MLIP: variants seen among roughly 807,000 people sequenced by gnomAD.
MLIP encodes the protein muscular LMNA interacting protein, also known as muscular LMNA-interacting protein.
Under a neutral mutation model 84.8 loss-of-function variants are expected in MLIP, and 79 were observed. That is an observed-to-expected ratio of 0.93 (90% CI 0.78 to 1.12). MLIP has a LOEUF of 1.12. Among genes scored for constraint, MLIP ranks in the 50% most tolerant of loss-of-function variants. MLIP has a pLI of 0.00. For synonymous variants in MLIP, 504 were observed against 463.0 expected (o/e 1.09, Z -1.14); for missense variants, 1,257 against 1,160.6 (o/e 1.08, Z -1.21).
At chr6:54,216,636 T>G (rs1779872125) in intron 11 of MLIP, 1 of 972,138 alleles carries the variant, frequency 1.0e-6, no homozygotes, top group Non-Finnish European at 1.2e-6. Flanking sequence ...TTCAAATAGC[T>G]AAGCATATGC....
At chr6:54,244,818 G>T (rs932479925) in intron 12 of MLIP, among the ~76,000 whole-genome samples, 47 of 152,058 alleles carry the variant, frequency 3.1e-4, no homozygotes, top group Admixed American at 2.0e-4. Flanking sequence ...AAGAACACCT[G>T]CCCCAAGCTC....
chr6:54,181,773 C>A lies in MLIP; in HGVS notation c.2545-8097C>A, dbSNP rs557819829. 2.0e-5 allele frequency among the ~76,000 whole-genome samples: 3 copies of A among 152,290 alleles called. No individual in the cohort carries two copies. The South Asian group carries it at 6.2e-4, about 32-fold the overall frequency. On this transcript the variant is annotated intron_variant, in intron 9 of 13. Transcript: ENST00000502396. ...GTCTTTCCCTTCAAGGCAGCGGGTT[C>A]TCTTTTTGCCCAGGATATGCCTAGA... is the stretch of plus-strand genomic sequence containing the variant.
rs528658350 is a variant in MLIP, at chr6:54,072,481, G to A, written c.64-48966G>A. Among the ~76,000 whole-genome samples, 24 of 152,262 alleles carry A rather than the reference G, an allele frequency of 1.6e-4. No individual in the cohort carries two copies. The South Asian group carries it at 5.0e-3, about 32-fold the overall frequency. On this transcript the variant is annotated intron_variant, in intron 1 of 12. Transcript: ENST00000274897. ...GGTCCTATAACAATTTGGAGATAGA[G>A]GAATCCTCCCACTGAACTTGGAAAT...
At chr6:54,170,055 A>C (rs1479544925) in intron 9 of MLIP, among the ~76,000 whole-genome samples, 1 of 151,724 alleles carries the variant, frequency 6.6e-6, no homozygotes, top group African/African-American at 2.4e-5. Context: ...TAGTGGATAG[A>C]TATAGACTCA....
In MLIP at chr6:54,056,969, G is replaced by A. The variant is rs1354619746; in HGVS notation, c.63+37878G>A. On this transcript the variant is annotated intron_variant, in intron 1 of 12. Transcript: ENST00000274897. ...TTATAAATGAGAAAAGTAAGTCACA[G>A]AAAAGAAAAGAAAATTGCTTAAAGG... Among the ~76,000 whole-genome samples, 3 of 152,112 alleles carry A rather than the reference G, an allele frequency of 2.0e-5. No homozygotes were observed. The South Asian group carries it at 6.2e-4, about 32-fold the overall frequency.
chr6:54,159,114 T>C (rs1257322219), intron 5 of MLIP, among the ~76,000 whole-genome samples: 2 of 151,984 alleles, frequency 1.3e-5, no homozygotes, highest in Non-Finnish European at 2.9e-5. Context: ...GATCTCACTG[T>C]GTTGTCCAGG....
chr6:54,122,329 T>TA (rs1368527447), intron 2 of MLIP, among the ~76,000 whole-genome samples: 5 of 152,214 alleles, frequency 3.3e-5, no homozygotes, highest in Non-Finnish European at 5.9e-5. Context: ...GGTGATATAA[T>TA]ACTGTGTTCA....
chr6:54,169,479 T>A (rs959368029), intron 8 of MLIP, 49 bp from the exon 9 acceptor site: 1 of 1,307,070 alleles, frequency 7.7e-7, no homozygotes, highest in South Asian at 1.5e-5. Context: ...GAGTCTATTA[T>A]TATTTACTTT....
At chr6:54,053,577 G>A (rs941538274) in intron 1 of MLIP, among the ~76,000 whole-genome samples, 9 of 152,184 alleles carry the variant, frequency 5.9e-5, no homozygotes, top group Non-Finnish European at 1.3e-4. Flanking sequence ...AAATTAAAAT[G>A]AAAGAAAGTA....
intron 8 of MLIP, among the ~76,000 whole-genome samples, chr6:54,168,328 C>A (rs1392454979): frequency 6.6e-6 from 1 of 151,750 alleles, no homozygotes; most frequent in Non-Finnish European, 1.5e-5. Flanking sequence ...TGTAGACTCC[C>A]AGCACTCTTG....
At chr6:54,101,966 G>A (rs922554551) in intron 1 of MLIP, among the ~76,000 whole-genome samples, 1 of 152,140 alleles carries the variant, frequency 6.6e-6, no homozygotes, top group African/African-American at 2.4e-5. Context: ...TCCGAGTGTA[G>A]TTCTCCTGGG....
intron 1 of MLIP, among the ~76,000 whole-genome samples, chr6:54,037,919 G>T (rs9382278): frequency 0.12 from 17,495 of 151,830 alleles, 1,130 homozygotes; most frequent in Admixed American, 0.21. Flanking sequence ...TGTAATCTCA[G>T]TATTGTTAAT....
chr6:54,056,192 A>G (rs1765651626), intron 1 of MLIP, among the ~76,000 whole-genome samples: 1 of 152,120 alleles, frequency 6.6e-6, no homozygotes, highest in South Asian at 2.1e-4. Flanking sequence ...AAACTCATCC[A>G]TCATGCACCT....
At chr6:54,097,592 A>G (rs1235723488) in intron 1 of MLIP, among the ~76,000 whole-genome samples, 3 of 152,210 alleles carry the variant, frequency 2.0e-5, no homozygotes, top group Non-Finnish European at 4.4e-5. Context: ...TGATGGTGGC[A>G]GTAAAACATT....
intron 9 of MLIP, among the ~76,000 whole-genome samples, chr6:54,183,034 A>T (rs1379905973): frequency 1.3e-5 from 2 of 152,234 alleles, no homozygotes; most frequent in Non-Finnish European, 2.9e-5. Context: ...TATTCCTTCC[A>T]AAATATCAGA....
intron 10 of MLIP, among the ~76,000 whole-genome samples, chr6:54,197,429 G>A (rs1778377226): frequency 6.6e-6 from 1 of 152,000 alleles, no homozygotes; most frequent in Non-Finnish European, 1.5e-5. Context: ...CTGGCAAAAT[G>A]TCTCCAGTGA....
At chr6:54,025,356 T>C (rs1393274404) in intron 1 of MLIP, among the ~76,000 whole-genome samples, 2 of 152,190 alleles carry the variant, frequency 1.3e-5, no homozygotes, top group Admixed American at 1.3e-4. Context: ...CTATATGTTA[T>C]TCCTTACAAG....
At chr6:54,172,235 A>G (rs1308627658) in intron 9 of MLIP, among the ~76,000 whole-genome samples, 1 of 151,744 alleles carries the variant, frequency 6.6e-6, no homozygotes. Flanking sequence ...ATGGATATGT[A>G]CAATTATTAC....
rs1239848592 is a variant in MLIP at position 54,067,075 on chromosome 6, A to T, written c.63+47984A>T. On this transcript the variant is annotated intron_variant, in intron 1 of 12. Coordinates refer to the MLIP transcript ENST00000274897. ...CTTTATCAGTTGCATTGACACATGA[A>T]AATATTCGAGAAACCTTATGAAATT... Among the ~76,000 whole-genome samples the T allele has an allele frequency of 7.0e-5, 7 of 100,670 alleles. 1 individual carries two copies. The highest frequency in any genetic ancestry group is 1.5e-4 in the African/African-American group (6 of 39,272). 66.0% of individuals were successfully genotyped at this position (100,670 alleles called of 152,430 possible).
Sources: gnomAD v4.1 joint callset for allele counts (sites outside exome capture counted in the v4.1 genomes callset) on GRCh38, gnomAD v4.1.1 for gene constraint, MANE v1.5 for transcripts, NCBI Gene and HGNC (gene_info 2026-07-23, HGNC 2026-07-21) for gene names.